MED27: variants seen among roughly 807,000 people sequenced by gnomAD.
MED27 encodes mediator complex subunit 27.
In MED27, 30 loss-of-function variants were observed where a neutral mutation model predicts 38.2. The ratio of observed to expected loss-of-function variants is 0.79; its 90% CI spans 0.59 to 1.07. The LOEUF (loss-of-function observed/expected upper bound fraction) is 1.07. MED27 is among the 50% of genes least tolerant of loss of function. The probability of loss-of-function intolerance (pLI) is 0.00; values close to 1 mark genes in which losing one functional copy is unlikely to be tolerated. For synonymous variants in MED27, 122 were observed against 153.5 expected (o/e 0.79, Z 1.52); for missense variants, 289 against 397.5 (o/e 0.73, Z 2.32).
chr9:132,019,636 T>C (rs977833451), intron 2 of MED27, among the ~76,000 whole-genome samples: 8 of 152,152 alleles, frequency 5.3e-5, no homozygotes, highest in African/African-American at 1.7e-4. Context: ...CCATTTCACA[T>C]GAGAGGAGAT....
intron 6 of MED27, among the ~76,000 whole-genome samples, chr9:131,878,142 C>T (rs919334439): frequency 2.6e-4 from 39 of 151,916 alleles, no homozygotes; most frequent in African/African-American, 7.3e-4. Flanking sequence ...GGTATGGTAG[C>T]GCATGCCTGT....
At chr9:131,864,511 T>C (rs143790418) in intron 6 of MED27, among the ~76,000 whole-genome samples, 29 of 152,058 alleles carry the variant, frequency 1.9e-4, no homozygotes, top group African/African-American at 6.3e-4. Context: ...ACACCTAAAA[T>C]AAAAAACCCA....
At chr9:131,955,150 A>G (rs1831072159) in intron 3 of MED27, among the ~76,000 whole-genome samples, 1 of 152,222 alleles carries the variant, frequency 6.6e-6, no homozygotes, top group Non-Finnish European at 1.5e-5. Context: ...GCCCCCATAT[A>G]TTCAGAAATT....
intron 4 of MED27, among the ~76,000 whole-genome samples, chr9:131,929,164 G>A (rs146392663): frequency 5.0e-3 from 767 of 152,288 alleles, no homozygotes; most frequent in African/African-American, 0.017. Flanking sequence ...GTCCTGGCAG[G>A]ATCCATCACC....
chr9:132,063,952 C>T (rs886210282), intron 2 of MED27, among the ~76,000 whole-genome samples: 1 of 152,130 alleles, frequency 6.6e-6, no homozygotes, highest in African/African-American at 2.4e-5. Context: ...ATGGAGACAC[C>T]GGAAGGAAAA....
chr9:131,910,370 C>A lies in MED27; in HGVS notation c.574-16378G>T, dbSNP rs114649895. ...GAATCTCAGCTTTTCTATCCTTAAA[C>A]CAGGTTGTAAGAGAATATAAATGAT... On this transcript the variant is annotated intron_variant, in intron 4 of 7. Coordinates refer to ENST00000292035, the MANE Select transcript of MED27 (RefSeq NM_004269.4). 6.2e-3 allele frequency among the ~76,000 whole-genome samples: 950 copies of A among 152,200 alleles called. 12 individuals are homozygous for A. Among genetic ancestry groups the A allele is most frequent in the African/African-American group, 0.022 (906 of 41,518 alleles).
At chr9:132,014,278 A>C in intron 3 of MED27, 59 bp downstream of exon 3, 3 of 1,521,658 alleles carry the variant, frequency 2.0e-6, no homozygotes, top group Admixed American at 4.1e-5. Context: ...ACCCAAAAAC[A>C]AGTATAAAGT....
intron 2 of MED27, among the ~76,000 whole-genome samples, chr9:132,028,949 C>T (rs12346481): frequency 6.6e-6 from 1 of 152,140 alleles, no homozygotes; most frequent in Non-Finnish European, 1.5e-5. Context: ...TGCAGATTCA[C>T]CGGTAGCTTC....
intron 2 of MED27, among the ~76,000 whole-genome samples, chr9:132,065,287 A>G (rs1355778757): frequency 6.6e-6 from 1 of 152,228 alleles, no homozygotes; most frequent in Non-Finnish European, 1.5e-5. Context: ...GTAATCAGTA[A>G]TCAGTGAAGC....
In MED27 at chr9:131,884,101, T is replaced by C. The variant is rs1024055178; in HGVS notation, c.682-2A>G. 3 of 1,607,106 alleles carry C rather than the reference T, an allele frequency of 1.9e-6. No individual in the cohort carries two copies. Among genetic ancestry groups the C allele is most frequent in the Non-Finnish European group, 2.5e-6 (3 of 1,177,254 alleles). ...GTTGGATTTGGACCATATATCAAGC[T>C]GAGGGGAAAGGAGAGAAGGATCATC... On this transcript the variant is annotated splice_acceptor_variant, in intron 5 of 7. Coordinates refer to ENST00000292035, the MANE Select transcript of MED27 (RefSeq NM_004269.4). LOFTEE classifies it high-confidence loss of function.
chr9:132,062,918 A>T (rs141979213), intron 2 of MED27, among the ~76,000 whole-genome samples: 1 of 152,298 alleles, frequency 6.6e-6, no homozygotes, highest in Non-Finnish European at 1.5e-5. Flanking sequence ...CACTGCACCC[A>T]GCCATCAATA....
chr9:132,072,314 G>A (rs947305049), intron 2 of MED27, among the ~76,000 whole-genome samples: 1 of 151,982 alleles, frequency 6.6e-6, no homozygotes, highest in Non-Finnish European at 1.5e-5. Flanking sequence ...CTACAGATGA[G>A]GAAACTGATA....
chr9:131,941,817 A>ATTTTTTT (rs766438800), intron 3 of MED27, among the ~76,000 whole-genome samples: 1,929 of 82,458 alleles, frequency 0.023, 238 homozygotes, highest in African/African-American at 0.051. Context: ...ATTCTGCTGA[A>ATTTTTTT]TTTTTTTTTT....
At chr9:132,030,635 G>A (rs1589276763) in intron 2 of MED27, among the ~76,000 whole-genome samples, 1 of 152,208 alleles carries the variant, frequency 6.6e-6, no homozygotes, top group Non-Finnish European at 1.5e-5. Flanking sequence ...ATCATGTGAT[G>A]AAAAGAAGAC....
chr9:131,942,880 C>T (rs929713599), intron 3 of MED27, among the ~76,000 whole-genome samples: 1 of 152,072 alleles, frequency 6.6e-6, no homozygotes, highest in African/African-American at 2.4e-5. Context: ...ATGTTCCTGG[C>T]CATTTTTGAT....
At chr9:132,054,440 G>A (rs1833531597) in intron 2 of MED27, among the ~76,000 whole-genome samples, 1 of 152,178 alleles carries the variant, frequency 6.6e-6, no homozygotes, top group Non-Finnish European at 1.5e-5. Context: ...TTTTATTTGA[G>A]ACAGAGTCTC....
intron 3 of MED27, among the ~76,000 whole-genome samples, chr9:132,006,143 G>A (rs1202658263): frequency 6.6e-6 from 1 of 152,084 alleles, no homozygotes; most frequent in African/African-American, 2.4e-5. Context: ...TTTCCAAAAC[G>A]CAGGAAACTT....
At chr9:131,905,337 C>T (rs970109170) in intron 4 of MED27, among the ~76,000 whole-genome samples, 11 of 152,326 alleles carry the variant, frequency 7.2e-5, no homozygotes, top group East Asian at 5.8e-4. Flanking sequence ...CGACAGCACA[C>T]GTCCTTTATC....
At chr9:131,919,258 A>G (rs1830346544) in intron 4 of MED27, among the ~76,000 whole-genome samples, 1 of 152,196 alleles carries the variant, frequency 6.6e-6, no homozygotes, top group Non-Finnish European at 1.5e-5. Context: ...GAAGCATAGC[A>G]CATATTTTGC....
Sources: allele counts gnomAD v4.1 joint callset (sites outside exome capture counted in the v4.1 genomes callset), GRCh38; gene constraint gnomAD v4.1.1; transcripts MANE v1.5; gene names NCBI Gene and HGNC (gene_info 2026-07-23, HGNC 2026-07-21).